STARD13: variants seen among roughly 807,000 people sequenced by gnomAD.
STARD13 encodes StAR related lipid transfer domain containing 13.
Under a neutral mutation model 106.4 loss-of-function variants are expected in STARD13, and 62 were observed. The observed-to-expected ratio is 0.58, with a 90% confidence interval of 0.48 to 0.72. The LOEUF (loss-of-function observed/expected upper bound fraction) is 0.72, where lower values mean the gene tolerates loss of function less well. Ranked by LOEUF, STARD13 falls within the 30% of genes least tolerant of loss-of-function variation. STARD13 has a pLI of 0.00. For synonymous variants in STARD13, 565 were observed against 553.0 expected, an observed-to-expected ratio of 1.02 and a Z score of -0.31; for missense variants, 1,387 against 1,424.0, an observed-to-expected ratio of 0.97 and a Z score of 0.42.
chr13:33,106,591 G>A (rs910919885), intron 13 of STARD13, among the ~76,000 whole-genome samples, 167 bp downstream of exon 13: 1 of 152,096 alleles, frequency 6.6e-6, no homozygotes, highest in Non-Finnish European at 1.5e-5. Context: ...TCAGGAAAGG[G>A]GGAAAGACAG....
the STARD13 span, among the ~76,000 whole-genome samples, chr13:33,424,855 T>A: frequency 6.6e-6 from 1 of 152,176 alleles, no homozygotes; most frequent in South Asian, 2.1e-4. Flanking sequence ...AAACTTGCAA[T>A]GTTACTCAAA....
the STARD13 span, among the ~76,000 whole-genome samples, chr13:33,390,077 G>C: frequency 6.6e-6 from 1 of 152,080 alleles, no homozygotes; most frequent in Non-Finnish European, 1.5e-5. Context: ...GGTGCCTGTG[G>C]AATCTAGATT....
the STARD13 span, among the ~76,000 whole-genome samples, chr13:33,497,385 A>T: frequency 6.6e-6 from 1 of 152,172 alleles, no homozygotes; most frequent in African/African-American, 2.4e-5. Context: ...CATTTCCTCT[A>T]TCAGCAAACA....
At chr13:33,299,176 G>A (rs1399251341) in intron 1 of STARD13, among the ~76,000 whole-genome samples, 2 of 152,206 alleles carry the variant, frequency 1.3e-5, no homozygotes, top group South Asian at 4.1e-4. Flanking sequence ...CATAGCCTAG[G>A]TGTGTTGTAG....
chr13:33,142,301 G>A lies in STARD13; in HGVS notation c.387+9C>T, dbSNP rs1368853289. The A allele has an allele frequency of 6.2e-7, 1 of 1,610,286 alleles. No homozygotes were observed. Among genetic ancestry groups the A allele is most frequent in the Admixed American group, 1.7e-5 (1 of 60,014 alleles). ...ATAGCCACATTCTTATTAAGGTGTG[G>A]GCACCTACCTTTTTCCTTTGGAAGT... On this transcript the variant is annotated intron_variant, in intron 4 of 13. Coordinates refer to ENST00000336934, the MANE Select transcript of STARD13 (RefSeq NM_178006.4).
At chr13:33,325,489 C>A (rs1279000778) in intron 1 of STARD13, among the ~76,000 whole-genome samples, 5 of 152,152 alleles carry the variant, frequency 3.3e-5, no homozygotes, top group Non-Finnish European at 5.9e-5. Context: ...CTTCACAAAA[C>A]CTTTTTATCT....
intron 1 of STARD13, among the ~76,000 whole-genome samples, chr13:33,200,202 T>C (rs1035587375): frequency 3.9e-5 from 6 of 152,230 alleles, no homozygotes; most frequent in African/African-American, 1.4e-4. Flanking sequence ...TTCCCTGCCA[T>C]CCCCTAAGGG....
intron 1 of STARD13, among the ~76,000 whole-genome samples, chr13:33,218,456 A>G (rs1241274198): frequency 6.6e-6 from 1 of 152,030 alleles, no homozygotes; most frequent in African/African-American, 2.4e-5. Context: ...TTCTCAATAA[A>G]CCCTATGTCT....
At chr13:33,614,368 A>T in the STARD13 span, among the ~76,000 whole-genome samples, 1 of 151,606 alleles carries the variant, frequency 6.6e-6, no homozygotes, top group South Asian at 2.1e-4. Flanking sequence ...GCTATGTAAA[A>T]GTTTCAGAAT....
chr13:33,308,804 A>T (rs1228606781), intron 1 of STARD13, among the ~76,000 whole-genome samples: 1 of 152,124 alleles, frequency 6.6e-6, no homozygotes, highest in Non-Finnish European at 1.5e-5. Context: ...GATTACAGGC[A>T]TGAGCCACCA....
chr13:33,190,888 C>T (rs1040512868), intron 1 of STARD13, among the ~76,000 whole-genome samples: 3 of 152,122 alleles, frequency 2.0e-5, no homozygotes, highest in African/African-American at 7.2e-5. Flanking sequence ...CCGGCCACTA[C>T]ACCCGTTTAT....
the STARD13 span, among the ~76,000 whole-genome samples, chr13:33,552,130 C>A: frequency 6.6e-6 from 1 of 151,974 alleles, no homozygotes; most frequent in African/African-American, 2.4e-5. Flanking sequence ...CAGATTTCCC[C>A]AAGTACATGG....
chr13:33,141,363 T>C (rs914829815), intron 4 of STARD13, among the ~76,000 whole-genome samples: 4 of 152,224 alleles, frequency 2.6e-5, no homozygotes, highest in African/African-American at 9.6e-5. Flanking sequence ...AGAAGCCTCA[T>C]CTCAGCGGAT....
At chr13:33,323,875 C>G (rs1387051265) in intron 1 of STARD13, among the ~76,000 whole-genome samples, 7 of 152,166 alleles carry the variant, frequency 4.6e-5, no homozygotes, top group African/African-American at 1.7e-4. Context: ...TTCACAGTCT[C>G]TACTGAGGGA....
the STARD13 span, among the ~76,000 whole-genome samples, chr13:33,473,070 G>A: frequency 9.2e-5 from 14 of 152,312 alleles, no homozygotes; most frequent in African/African-American, 3.1e-4. Context: ...AAGATTCTGA[G>A]TTGTCCTTGA....
chr13:33,422,620 A>C, the STARD13 span, among the ~76,000 whole-genome samples: 1 of 152,246 alleles, frequency 6.6e-6, no homozygotes, highest in Admixed American at 6.5e-5. Context: ...GAACCAAAAA[A>C]GAGCCTGCAT....
Position 33,162,624 on chromosome 13 carries a change from G to T in STARD13, c.323+2713C>A, listed in dbSNP as rs181140504. ...GATACCCTAAATCATCCTTTCAAGG[G>T]CAGGGGCAAAATGCCACCAGTCTCT... is the stretch of plus-strand genomic sequence containing the variant. On this transcript the variant is annotated intron_variant, in intron 3 of 13. Coordinates refer to ENST00000336934, the MANE Select transcript of STARD13 (RefSeq NM_178006.4). Among the ~76,000 whole-genome samples, 173 of 152,260 alleles carry T rather than the reference G, an allele frequency of 1.1e-3. 1 individual carries two copies. The highest frequency in any genetic ancestry group is 2.4e-3 in the Non-Finnish European group (160 of 68,028).
chr13:33,603,447 G>T, the STARD13 span, among the ~76,000 whole-genome samples: 2 of 152,114 alleles, frequency 1.3e-5, no homozygotes, highest in South Asian at 4.1e-4. Context: ...ACATAACGCT[G>T]GGACTTATGA....
At chr13:33,494,600 C>T in the STARD13 span, among the ~76,000 whole-genome samples, 21 of 152,102 alleles carry the variant, frequency 1.4e-4, no homozygotes, top group Non-Finnish European at 2.9e-4. Context: ...TGGTCGTTGT[C>T]TACTACCAGT....
Sources: allele counts gnomAD v4.1 joint callset (sites outside exome capture counted in the v4.1 genomes callset), GRCh38; gene constraint gnomAD v4.1.1; transcripts MANE v1.5; gene names NCBI Gene and HGNC (gene_info 2026-07-23, HGNC 2026-07-21).